DGKI: variants seen among roughly 807,000 people sequenced by gnomAD.
DGKI encodes diacylglycerol kinase iota.
DGKI carries 55 observed loss-of-function variants against 147.5 expected under a neutral mutation model. The observed-to-expected ratio is 0.37, with a 90% CI of 0.30 to 0.47. The LOEUF (loss-of-function observed/expected upper bound fraction) is 0.47, where lower values mean the gene tolerates loss of function less well. DGKI is among the 20% of genes least tolerant of loss of function. The pLI is 1.00. For synonymous variants in DGKI, 469 were observed against 477.1 expected, an observed-to-expected ratio of 0.98 and a Z score of 0.22; for missense variants, 1,007 against 1,323.8, an observed-to-expected ratio of 0.76 and a Z score of 3.71.
In DGKI at chr7:137,389,476, A is replaced by G. The variant is rs915446471; in HGVS notation, c.*1744T>C. 6.6e-6 allele frequency: 1 copy of G among 152,264 alleles called. No individual in the cohort carries two copies. The highest frequency in any genetic ancestry group is 1.5e-5 in the Non-Finnish European group (1 of 68,046). 9.4% of individuals were successfully genotyped at this position (152,264 alleles called of 1,614,324 possible). On this transcript the variant is annotated 3_prime_UTR_variant, in exon 33 of 33. Coordinates refer to ENST00000614521, the MANE Select transcript of DGKI (RefSeq NM_001321708.2). ...TGACTCAGATAAGCAAAATGTCACCATTAGACTTTTAAATTAAATGTAGAG... is the reference window on the plus strand; with the variant it reads ...TGACTCAGATAAGCAAAATGTCACCGTTAGACTTTTAAATTAAATGTAGAG...
chr7:137,723,909 C>T (rs1563167828), intron 1 of DGKI, among the ~76,000 whole-genome samples: 1 of 151,736 alleles, frequency 6.6e-6, no homozygotes, highest in Non-Finnish European at 1.5e-5. Flanking sequence ...GGGGTTTCAC[C>T]ATGTTGGCCA....
intron 28 of DGKI, among the ~76,000 whole-genome samples, chr7:137,417,737 T>C (rs777748161): frequency 1.3e-5 from 2 of 152,238 alleles, no homozygotes; most frequent in Non-Finnish European, 2.9e-5. Context: ...GGCTCCACCC[T>C]CATGAAGGAA....
intron 21 of DGKI, among the ~76,000 whole-genome samples, chr7:137,512,782 T>C (rs1387465379): frequency 6.6e-6 from 1 of 152,150 alleles, no homozygotes; most frequent in Non-Finnish European, 1.5e-5. Context: ...CACCAGAGCA[T>C]ATTTTATTTT....
At chr7:137,521,838 T>C in intron 21 of DGKI, 28 bp downstream of exon 21, 1 of 1,513,152 alleles carries the variant, frequency 6.6e-7, no homozygotes, top group Non-Finnish European at 9.2e-7. Flanking sequence ...GCTGATCGCA[T>C]GAAATCAATG....
chr7:137,790,231 AACACAC>A lies in DGKI; in HGVS notation c.401+56225_401+56230del, dbSNP rs137932599. On this transcript the variant is annotated intron_variant, in intron 1 of 32. Coordinates refer to ENST00000614521, the MANE Select transcript of DGKI (RefSeq NM_001321708.2). ...ACTATGTTACAGATTGTGTATTACC[AACACAC>A]ACACACACACACACACACACACACA... Among the ~76,000 whole-genome samples, 740 of 143,758 alleles carry A rather than the reference AACACAC, an allele frequency of 5.1e-3. 5 individuals carry two copies. The highest frequency in any genetic ancestry group is 7.9e-3 in the East Asian group (39 of 4,932). The allele number at this position is 143,758 out of a possible 152,430, so 94.3% of individuals were successfully genotyped here.
At chr7:137,414,731 A>G (rs1812295027) in intron 28 of DGKI, among the ~76,000 whole-genome samples, 1 of 152,160 alleles carries the variant, frequency 6.6e-6, no homozygotes, top group South Asian at 2.1e-4. Context: ...TAGGCTCTGC[A>G]AGGCCTACAG....
intron 1 of DGKI, among the ~76,000 whole-genome samples, chr7:137,740,664 G>A (rs1293637834): frequency 6.6e-6 from 1 of 152,166 alleles, no homozygotes; most frequent in Non-Finnish European, 1.5e-5. Flanking sequence ...TAAGCAACAT[G>A]CTTGGCTGTT....
Position 137,843,756 on chromosome 7 carries a change from T to TACACACACACAC in DGKI, c.401+2694_401+2705dup, listed in dbSNP as rs71177923. Among the ~76,000 whole-genome samples, 1,301 of 137,858 alleles carry TACACACACACAC rather than the reference T, an allele frequency of 9.4e-3. 17 individuals carry two copies. The highest frequency in any genetic ancestry group is 0.013 in the Non-Finnish European group (850 of 64,522). 90.4% of individuals were successfully genotyped at this position (137,858 alleles called of 152,430 possible). ...ACAGAAGGAGCAGATGAGACCCCCC[T>TACACACACACAC]ACACACACACACACACACACACACA... is the stretch of plus-strand genomic sequence containing the variant. On this transcript the variant is annotated intron_variant, in intron 1 of 32. Transcript: ENST00000614521.
intron 7 of DGKI, among the ~76,000 whole-genome samples, chr7:137,623,084 C>G (rs558526666): frequency 1.1e-4 from 17 of 152,264 alleles, no homozygotes; most frequent in African/African-American, 4.1e-4. Context: ...GTTGGAGGGA[C>G]CTCTTAGGTC....
At chr7:137,715,882 T>A in intron 1 of DGKI, among the ~76,000 whole-genome samples, 1 of 152,180 alleles carries the variant, frequency 6.6e-6, no homozygotes, top group East Asian at 1.9e-4. Flanking sequence ...AGAAGAACTT[T>A]ACCAGATAAA....
chr7:137,443,424 A>G (rs781712542), intron 28 of DGKI, among the ~76,000 whole-genome samples: 4 of 152,196 alleles, frequency 2.6e-5, no homozygotes, highest in Non-Finnish European at 5.9e-5. Flanking sequence ...TCCATATAGC[A>G]TATTTGTAAA....
intron 1 of DGKI, among the ~76,000 whole-genome samples, chr7:137,815,547 T>C (rs552043228): frequency 6.6e-6 from 1 of 152,376 alleles, no homozygotes; most frequent in South Asian, 2.1e-4. Context: ...AAACATTTTC[T>C]AATTCACATA....
At chr7:137,419,191 T>G (rs897897690) in intron 28 of DGKI, among the ~76,000 whole-genome samples, 3 of 152,220 alleles carry the variant, frequency 2.0e-5, no homozygotes, top group African/African-American at 7.2e-5. Flanking sequence ...CCGGAAAAAG[T>G]TTCATGAATG....
At chr7:137,479,242 A>G (rs956943304) in intron 23 of DGKI, among the ~76,000 whole-genome samples, 2 of 152,182 alleles carry the variant, frequency 1.3e-5, no homozygotes, top group Admixed American at 1.3e-4. Flanking sequence ...GCTCCTTTCT[A>G]TTTTAAATAT....
intron 28 of DGKI, among the ~76,000 whole-genome samples, chr7:137,434,417 TA>T (rs1391091002): frequency 6.6e-6 from 1 of 151,776 alleles, no homozygotes; most frequent in Admixed American, 6.6e-5. Flanking sequence ...CTGTCTCCAC[TA>T]AAAAGACAAA....
At chr7:137,462,401 C>G (rs1324893773) in intron 27 of DGKI, among the ~76,000 whole-genome samples, 1 of 152,182 alleles carries the variant, frequency 6.6e-6, no homozygotes, top group African/African-American at 2.4e-5. Context: ...CATAGTAATT[C>G]ATTGTTGTTC....
chr7:137,693,829 T>C (rs1458918122), intron 1 of DGKI, among the ~76,000 whole-genome samples: 2 of 152,304 alleles, frequency 1.3e-5, no homozygotes, highest in African/African-American at 2.4e-5. Context: ...AAATCCTTCA[T>C]AGCAGCTCTT....
chr7:137,528,731 T>G (rs796495556), intron 20 of DGKI, among the ~76,000 whole-genome samples: 3 of 152,162 alleles, frequency 2.0e-5, no homozygotes, highest in Admixed American at 6.6e-5. Flanking sequence ...TATACGCCCC[T>G]ATGACTGCAT....
chr7:137,813,645 T>G (rs747249820), intron 1 of DGKI, among the ~76,000 whole-genome samples: 4 of 152,210 alleles, frequency 2.6e-5, no homozygotes, highest in Non-Finnish European at 5.9e-5. Context: ...TCTTATCATA[T>G]TCTCTAGTTC....
Sources: allele counts gnomAD v4.1 joint callset (sites outside exome capture counted in the v4.1 genomes callset), GRCh38; gene constraint gnomAD v4.1.1; transcripts MANE v1.5; gene names NCBI Gene and HGNC (gene_info 2026-07-23, HGNC 2026-07-21).